Variants in ZDHHC21 observed in about 807,000 individuals in gnomAD.
ZDHHC21 encodes the protein palmitoyltransferase ZDHHC21.
ZDHHC21 carries 15 observed loss-of-function variants against 34.6 expected under a neutral mutation model. The observed-to-expected ratio is 0.43, with a 90% CI of 0.29 to 0.67. The LOEUF is 0.67. Ranked by LOEUF, ZDHHC21 falls within the 30% of genes least tolerant of loss-of-function variation. The probability of loss-of-function intolerance (pLI) is 0.14; values close to 1 mark genes in which losing one functional copy is unlikely to be tolerated. For synonymous variants in ZDHHC21, 142 were observed against 101.8 expected (o/e 1.40, Z -2.38); for missense variants, 344 against 327.7 (o/e 1.05, Z -0.38).
At chr9:14,659,088 G>A (rs1168180022) in intron 6 of ZDHHC21, among the ~76,000 whole-genome samples, 1 of 152,060 alleles carries the variant, frequency 6.6e-6, no homozygotes. Context: ...ACTTCACAAA[G>A]GAAGTCCACA....
At chr9:14,598,944 G>C in the ZDHHC21 span, among the ~76,000 whole-genome samples, 51 of 151,928 alleles carry the variant, frequency 3.4e-4, no homozygotes, top group African/African-American at 1.2e-3. Context: ...TGTTATTTTT[G>C]TAGAGACAGG....
rs1824147176 is a variant in ZDHHC21, at chr9:14,616,330, T to A, written c.*2636A>T. On this transcript the variant is annotated 3_prime_UTR_variant, in exon 10 of 10. Transcript: ENST00000380916. ...AGTTTATCCTAATCTGATATAAATT[T>A]GTGATTGATTGACAGCAAGAATATA... is the stretch of plus-strand genomic sequence containing the variant. The A allele has an allele frequency of 6.6e-6, 1 of 151,798 alleles. No homozygotes were observed. Among genetic ancestry groups the A allele is most frequent in the South Asian group, 2.1e-4 (1 of 4,826 alleles). The allele number at this position is 151,798 out of a possible 1,614,324, so 9.4% of individuals were successfully genotyped here.
intron 7 of ZDHHC21, among the ~76,000 whole-genome samples, chr9:14,640,992 A>G (rs1278153261): frequency 1.3e-5 from 2 of 152,200 alleles, no homozygotes; most frequent in Non-Finnish European, 2.9e-5. Flanking sequence ...CTGTGGAATA[A>G]AACAACCACA....
At chr9:14,646,102 G>T (rs182357689) in intron 7 of ZDHHC21, among the ~76,000 whole-genome samples, 18 of 152,208 alleles carry the variant, frequency 1.2e-4, no homozygotes, top group African/African-American at 4.3e-4. Context: ...AAACAAGGCT[G>T]CTCACAATAG....
chr9:14,604,698 T>C, the ZDHHC21 span, among the ~76,000 whole-genome samples: 9 of 152,198 alleles, frequency 5.9e-5, no homozygotes, highest in Non-Finnish European at 1.0e-4. Context: ...CATTACTTTT[T>C]ATTGTGGCAA....
downstream of ZDHHC21, among the ~76,000 whole-genome samples, chr9:14,609,035 G>A (rs1325230463): frequency 6.6e-6 from 1 of 152,010 alleles, no homozygotes; most frequent in African/African-American, 2.4e-5. Context: ...CAGAGTCAAT[G>A]AATCTAGTCT....
the ZDHHC21 span, among the ~76,000 whole-genome samples, chr9:14,597,568 C>T: frequency 6.6e-6 from 1 of 152,268 alleles, no homozygotes; most frequent in African/African-American, 2.4e-5. Flanking sequence ...CAGGGACCAG[C>T]TTGCCCCAGT....
At chr9:14,640,476 A>G (rs1829169290) in intron 7 of ZDHHC21, among the ~76,000 whole-genome samples, 1 of 152,188 alleles carries the variant, frequency 6.6e-6, no homozygotes, top group African/African-American at 2.4e-5. Flanking sequence ...CAAGATATCT[A>G]GAAATCATTA....
chr9:14,660,878 C>T (rs1833263933), intron 6 of ZDHHC21, among the ~76,000 whole-genome samples: 1 of 152,012 alleles, frequency 6.6e-6, no homozygotes, highest in Non-Finnish European at 1.5e-5. Context: ...GAATAAGAAA[C>T]TCTACAATAA....
chr9:14,665,856 C>T (rs1328851179), intron 5 of ZDHHC21, among the ~76,000 whole-genome samples: 3 of 150,072 alleles, frequency 2.0e-5, no homozygotes, highest in Non-Finnish European at 3.0e-5. Context: ...AAGCGCTAAA[C>T]ATGGAAAGGA....
At chr9:14,609,290 T>C (rs902981356), downstream of ZDHHC21, among the ~76,000 whole-genome samples, 3 of 152,264 alleles carry the variant, frequency 2.0e-5, no homozygotes, top group East Asian at 1.9e-4. Flanking sequence ...AATTGTATTA[T>C]TACTAAAGAA....
intron 7 of ZDHHC21, among the ~76,000 whole-genome samples, chr9:14,656,480 T>C (rs1418127329): frequency 2.0e-5 from 3 of 151,920 alleles, no homozygotes; most frequent in Non-Finnish European, 4.4e-5. Flanking sequence ...AACATTGAGA[T>C]AATATATCAT....
intron 5 of ZDHHC21, among the ~76,000 whole-genome samples, chr9:14,663,550 T>C (rs1288736117): frequency 7.9e-5 from 12 of 151,656 alleles, no homozygotes; most frequent in African/African-American, 2.7e-4. Flanking sequence ...CTCTTTTTTT[T>C]CTTCTTTTTT....
At chr9:14,633,923 G>C (rs190593071) in intron 8 of ZDHHC21, among the ~76,000 whole-genome samples, 39 of 152,276 alleles carry the variant, frequency 2.6e-4, no homozygotes, top group African/African-American at 8.4e-4. Flanking sequence ...CCTTGGGCCT[G>C]GAGATCACCC....
chr9:14,619,493 G>A, intron 9 of ZDHHC21, 146 bp downstream of exon 9: 1 of 635,568 alleles, frequency 1.6e-6, no homozygotes, highest in Non-Finnish European at 2.6e-6. Flanking sequence ...TGTAAGACTG[G>A]GGTAGCTTGC....
intron 8 of ZDHHC21, among the ~76,000 whole-genome samples, chr9:14,620,526 C>T (rs1251875845): frequency 6.7e-6 from 1 of 149,618 alleles, no homozygotes; most frequent in Non-Finnish European, 1.5e-5. Context: ...CTTTTTATCC[C>T]TTACTTTACC....
At chr9:14,621,677 T>G (rs1450283121) in intron 8 of ZDHHC21, among the ~76,000 whole-genome samples, 1 of 152,110 alleles carries the variant, frequency 6.6e-6, no homozygotes, top group Non-Finnish European at 1.5e-5. Context: ...ACAATTTGTA[T>G]TTTAGCAACC....
At chr9:14,690,845 T>C (rs1391257740) in intron 1 of ZDHHC21, among the ~76,000 whole-genome samples, 1 of 152,248 alleles carries the variant, frequency 6.6e-6, no homozygotes, top group African/African-American at 2.4e-5. Context: ...CAATTTCACC[T>C]GTATTTTTAC....
At chr9:14,675,815 T>G (rs1428011335) in intron 3 of ZDHHC21, among the ~76,000 whole-genome samples, 1 of 151,940 alleles carries the variant, frequency 6.6e-6, no homozygotes, top group Non-Finnish European at 1.5e-5. Flanking sequence ...TAAGACTTAC[T>G]GTAAGAAGTG....
Sources: gnomAD v4.1 joint callset for allele counts (sites outside exome capture counted in the v4.1 genomes callset) on GRCh38, gnomAD v4.1.1 for gene constraint, MANE v1.5 for transcripts, NCBI Gene and HGNC (gene_info 2026-07-23, HGNC 2026-07-21) for gene names.